Variants in GALNTL6 observed in about 807,000 individuals in gnomAD.
The protein encoded by GALNTL6 is polypeptide N-acetylgalactosaminyltransferase like 6.
Under a neutral mutation model 73.7 loss-of-function variants are expected in GALNTL6, and 46 were observed. The observed-to-expected ratio is 0.62, with a 90% CI of 0.49 to 0.80. GALNTL6 has a LOEUF of 0.80. Among genes scored for constraint, GALNTL6 ranks in the 30% least tolerant of loss-of-function variants. The pLI, the probability that GALNTL6 is intolerant of heterozygous loss-of-function variation, is 0.00. For missense variants in GALNTL6, 604 were observed against 755.0 expected (o/e 0.80, Z 2.34); for synonymous variants, 259 against 263.7 (o/e 0.98, Z 0.17).
At chr4:172,924,008 G>A (rs1292423049) in intron 8 of GALNTL6, among the ~76,000 whole-genome samples, 7 of 152,084 alleles carry the variant, frequency 4.6e-5, no homozygotes, top group East Asian at 3.9e-4. Context: ...AGGGTCCCAC[G>A]AGCCTGGGGT....
intron 10 of GALNTL6, among the ~76,000 whole-genome samples, chr4:172,955,120 G>A (rs6825049): frequency 0.53 from 80,922 of 152,016 alleles, 21,657 homozygotes; most frequent in South Asian, 0.58. Context: ...TTGAAATGCA[G>A]CTTAATCAAA....
intron 5 of GALNTL6, among the ~76,000 whole-genome samples, chr4:172,513,835 G>C (rs185741908): frequency 6.1e-4 from 93 of 152,308 alleles, no homozygotes; most frequent in African/African-American, 2.1e-3. Flanking sequence ...GGTGGACTCT[G>C]TGTGGGACCT....
intron 4 of GALNTL6, among the ~76,000 whole-genome samples, chr4:172,323,322 T>C (rs1175462911): frequency 6.6e-6 from 1 of 152,182 alleles, no homozygotes; most frequent in Middle Eastern, 3.2e-3. Context: ...ATCACTGCCT[T>C]ATCAAAGGTA....
At chr4:172,559,326 A>C (rs1736266740) in intron 5 of GALNTL6, among the ~76,000 whole-genome samples, 2 of 151,988 alleles carry the variant, frequency 1.3e-5, no homozygotes, top group African/African-American at 4.8e-5. Flanking sequence ...GGCCTCCCAA[A>C]GTGCTGGGAT....
chr4:173,011,238 T>C lies in GALNTL6; in HGVS notation c.1488+1944T>C, dbSNP rs530683530. ...TTTACATAGAGTTGTTTGAGCTCCT[T>C]ATCTATTACAGTTATTAATCCCTTG... On this transcript the variant is annotated intron_variant, in intron 11 of 12. Coordinates refer to ENST00000506823, the MANE Select transcript of GALNTL6 (RefSeq NM_001034845.3). 3.3e-5 allele frequency among the ~76,000 whole-genome samples: 5 copies of C among 152,350 alleles called. No individual in the cohort carries two copies. The East Asian group carries it at 9.6e-4, about 29-fold the overall frequency.
In GALNTL6 at chr4:172,741,214, T is replaced by C. The variant is rs1736785772; in HGVS notation, c.554-68147T>C. 2.6e-5 allele frequency among the ~76,000 whole-genome samples: 4 copies of C among 152,058 alleles called. No homozygotes were observed. In the South Asian group the frequency reaches 8.3e-4, roughly 32 times the overall value. On this transcript the variant is annotated intron_variant, in intron 5 of 12. Transcript: ENST00000506823. The stretch of plus-strand genomic sequence containing the variant: ...ATTTAGGGTCATTTGAACCTAACAG[T>C]TTGAAAGGTTCTCATACCTTGGGGG...
chr4:172,562,019 G>A (rs1736390702), intron 5 of GALNTL6, among the ~76,000 whole-genome samples: 1 of 152,062 alleles, frequency 6.6e-6, no homozygotes, highest in African/African-American at 2.4e-5. Context: ...TGCAACTTTT[G>A]GAAAATCACC....
At chr4:171,983,356 T>A (rs1048483042) in intron 2 of GALNTL6, among the ~76,000 whole-genome samples, 3 of 152,208 alleles carry the variant, frequency 2.0e-5, no homozygotes, top group African/African-American at 4.8e-5. Flanking sequence ...TGCTATCATA[T>A]CCGTTGTGCT....
At chr4:172,012,325 A>T (rs1053725279) in intron 2 of GALNTL6, among the ~76,000 whole-genome samples, 1 of 152,118 alleles carries the variant, frequency 6.6e-6, no homozygotes, top group Non-Finnish European at 1.5e-5. Flanking sequence ...AATTCTGAGC[A>T]GCCCAAGTAC....
chr4:172,882,943 T>C (rs775051597), intron 8 of GALNTL6, 36 bp downstream of exon 8: 1 of 1,092,646 alleles, frequency 9.2e-7, no homozygotes, highest in Non-Finnish European at 1.4e-6. Context: ...TATATCTGTA[T>C]AATTTTGACA....
At chr4:172,287,327 T>C (rs1204169545) in intron 3 of GALNTL6, among the ~76,000 whole-genome samples, 1 of 152,148 alleles carries the variant, frequency 6.6e-6, no homozygotes, top group Non-Finnish European at 1.5e-5. Context: ...CCACAGCTAA[T>C]AGGCCTCATG....
intron 5 of GALNTL6, among the ~76,000 whole-genome samples, chr4:172,762,216 T>C (rs1241560068): frequency 6.6e-6 from 1 of 152,218 alleles, no homozygotes; most frequent in African/African-American, 2.4e-5. Flanking sequence ...TGAGCAGCAA[T>C]GTTGCTTCTG....
At chr4:171,845,021 T>A (rs1735334899) in intron 2 of GALNTL6, among the ~76,000 whole-genome samples, 1 of 152,174 alleles carries the variant, frequency 6.6e-6, no homozygotes, top group Non-Finnish European at 1.5e-5. Context: ...TAATACTTAA[T>A]GACCTTCAAT....
At chr4:172,029,297 T>G (rs1403332046) in intron 2 of GALNTL6, among the ~76,000 whole-genome samples, 1 of 152,032 alleles carries the variant, frequency 6.6e-6, no homozygotes, top group Admixed American at 6.6e-5. Context: ...TTGTGTGAAA[T>G]ATTTCATTAA....
intron 2 of GALNTL6, chr4:171,815,975 T>G (rs985973638): frequency 1.3e-5 from 2 of 152,168 alleles, no homozygotes; most frequent in Non-Finnish European, 2.9e-5. Flanking sequence ...TTGTTAATAT[T>G]TATTATCCTT....
chr4:173,008,578 G>A (rs934554788), intron 10 of GALNTL6, among the ~76,000 whole-genome samples: 2 of 152,196 alleles, frequency 1.3e-5, no homozygotes, highest in Admixed American at 6.5e-5. Flanking sequence ...ATGAGGAGAC[G>A]GGAGGAAACC....
intron 5 of GALNTL6, among the ~76,000 whole-genome samples, chr4:172,385,182 G>T (rs1226990430): frequency 1.3e-5 from 2 of 151,692 alleles, no homozygotes; most frequent in Non-Finnish European, 2.9e-5. Flanking sequence ...ATTTATCGAG[G>T]TATGTTTTAT....
intron 2 of GALNTL6, among the ~76,000 whole-genome samples, chr4:172,113,462 T>G (rs1399960638): frequency 6.6e-6 from 1 of 152,060 alleles, no homozygotes; most frequent in African/African-American, 2.4e-5. Flanking sequence ...TTATTTCTAC[T>G]TCTTTTTCTA....
At chr4:172,589,245 G>C (rs1737544502) in intron 5 of GALNTL6, among the ~76,000 whole-genome samples, 3 of 152,170 alleles carry the variant, frequency 2.0e-5, no homozygotes, top group African/African-American at 7.2e-5. Context: ...AGACAAGCCA[G>C]CACTATTTGA....
Sources: gnomAD v4.1 joint callset for allele counts (sites outside exome capture counted in the v4.1 genomes callset) on GRCh38, gnomAD v4.1.1 for gene constraint, MANE v1.5 for transcripts, NCBI Gene and HGNC (gene_info 2026-07-23, HGNC 2026-07-21) for gene names.